ATP2C1: variants seen among roughly 807,000 people sequenced by gnomAD.
The protein encoded by ATP2C1 is calcium-transporting ATPase type 2C member 1.
In ATP2C1, 31 loss-of-function variants were observed where a neutral mutation model predicts 120.5. The observed-to-expected ratio is 0.26, with a 90% CI of 0.19 to 0.35. The LOEUF (loss-of-function observed/expected upper bound fraction) is 0.35. ATP2C1 is among the 10% of genes least tolerant of loss of function. The pLI, the probability that ATP2C1 is intolerant of heterozygous loss-of-function variation, is 1.00. For synonymous variants in ATP2C1, 351 were observed against 358.7 expected (o/e 0.98, Z 0.24); for missense variants, 731 against 1,107.5 (o/e 0.66, Z 4.83).
At chr3:130,928,884 C>A (rs1027218786) in intron 2 of ATP2C1, among the ~76,000 whole-genome samples, 1 of 152,134 alleles carries the variant, frequency 6.6e-6, no homozygotes, top group Non-Finnish European at 1.5e-5. Flanking sequence ...TATTTCAATT[C>A]TCATTGTTTT....
At chr3:131,004,033 A>T (rs1195027055), downstream of ATP2C1, among the ~76,000 whole-genome samples, 1 of 152,226 alleles carries the variant, frequency 6.6e-6, no homozygotes, top group Non-Finnish European at 1.5e-5. Flanking sequence ...GTGTGCTAGA[A>T]GTAGAACGAT....
At position 130,894,570 on chromosome 3, in the gene ATP2C1, TCTC is replaced by T. The variant is rs2069411906; in HGVS notation, c.-180-17_-180-15del. On this transcript the variant is annotated splice_polypyrimidine_tract_variant and intron_variant, in intron 1 of 27. Transcript: ENST00000510168. This position sits in a 1 kb window ranked among gnomAD's most constrained non-coding sequence, Gnocchi z 4.5. The stretch of plus-strand genomic sequence containing the variant: ...TCCTCAGCCTCTCGTCAGCGCCGCT[TCTC>T]CTGGTTTCTCTTGCAGATGCTGCTG... 4 of 1,438,738 alleles carry T rather than the reference TCTC, an allele frequency of 2.8e-6. No homozygotes were observed. Among genetic ancestry groups the T allele is most frequent in the Non-Finnish European group, 2.7e-6 (3 of 1,095,058 alleles). The allele number at this position is 1,438,738 out of a possible 1,614,324, so 89.1% of individuals were successfully genotyped here. A position where few individuals can be genotyped will look rare whatever the true frequency, so the allele number is the denominator to read the frequency against.
intron 3 of ATP2C1, among the ~76,000 whole-genome samples, chr3:130,931,045 G>A (rs896508171): frequency 2.6e-5 from 4 of 151,954 alleles, no homozygotes; most frequent in Non-Finnish European, 5.9e-5. Context: ...AGTATCTATC[G>A]AAACATGAAA....
chr3:130,971,357 C>T (rs2061310431), intron 17 of ATP2C1, among the ~76,000 whole-genome samples: 1 of 152,126 alleles, frequency 6.6e-6, no homozygotes, highest in South Asian at 2.1e-4. Flanking sequence ...CACTTGCTGA[C>T]CTGAAGAGTT....
At position 130,967,486 on chromosome 3, in the gene ATP2C1, C is replaced by G. The variant is rs1041334801; in HGVS notation, c.1308+67C>G. Reference sequence around the variant, plus strand: ...CCCTCACAACAGAATGCAGTGTCATCAATTTCAGTATTACTGGTTTTTAGG... The same window carrying G: ...CCCTCACAACAGAATGCAGTGTCATGAATTTCAGTATTACTGGTTTTTAGG... On this transcript the variant is annotated intron_variant, in intron 16 of 27. Coordinates refer to ENST00000510168, the MANE Select transcript of ATP2C1 (RefSeq NM_001378687.1). 1.4e-5 allele frequency: 18 copies of G among 1,298,526 alleles called. No individual in the cohort carries two copies. In the African/African-American group the frequency reaches 2.0e-4, roughly 15 times the overall value. 80.4% of individuals were successfully genotyped at this position (1,298,526 alleles called of 1,614,324 possible).
intron 8 of ATP2C1, among the ~76,000 whole-genome samples, chr3:130,942,405 C>G (rs1284944805): frequency 2.6e-5 from 4 of 152,132 alleles, no homozygotes; most frequent in Non-Finnish European, 4.4e-5. Context: ...GATTGAAGAA[C>G]TGGAAAATGG....
chr3:130,927,258 T>G (rs2059251493), intron 2 of ATP2C1, among the ~76,000 whole-genome samples: 1 of 151,530 alleles, frequency 6.6e-6, no homozygotes, highest in Non-Finnish European at 1.5e-5. Context: ...TTTTTTTTTT[T>G]GAGACAGAGT....
intron 12 of ATP2C1, among the ~76,000 whole-genome samples, chr3:130,962,118 CTTGT>C (rs1272464653): frequency 6.6e-6 from 1 of 152,012 alleles, no homozygotes; most frequent in Non-Finnish European, 1.5e-5. Context: ...TTTTATGATG[CTTGT>C]TTATCAGCAT....
At chr3:131,013,586 T>TAA (rs2063426914) in intron 26 of ATP2C1, among the ~76,000 whole-genome samples, 6 of 152,230 alleles carry the variant, frequency 3.9e-5, no homozygotes. Context: ...TCTCATTGAC[T>TAA]AAGTACTTAC....
At chr3:130,953,195 A>T (rs952331478) in intron 8 of ATP2C1, among the ~76,000 whole-genome samples, 1 of 151,966 alleles carries the variant, frequency 6.6e-6, no homozygotes, top group Non-Finnish European at 1.5e-5. Flanking sequence ...GGGTAGGTAA[A>T]TACTGTGTCA....
intron 26 of ATP2C1, among the ~76,000 whole-genome samples, chr3:131,012,754 T>A: frequency 6.6e-6 from 1 of 152,176 alleles, no homozygotes; most frequent in Non-Finnish European, 1.5e-5. Flanking sequence ...AATAAAAATT[T>A]CCTTATTTCA....
downstream of ATP2C1, among the ~76,000 whole-genome samples, chr3:131,004,109 T>C (rs1415015910): frequency 1.3e-5 from 2 of 152,220 alleles, no homozygotes; most frequent in African/African-American, 4.8e-5. Flanking sequence ...GCTAATAAGC[T>C]GTTTCAAGAA....
At chr3:130,918,102 A>G (rs777587462) in intron 2 of ATP2C1, 11 of 634,964 alleles carry the variant, frequency 1.7e-5, no homozygotes, top group Non-Finnish European at 2.9e-5. Context: ...CTATCCGAGT[A>G]CAGGGTAATA....
intron 12 of ATP2C1, among the ~76,000 whole-genome samples, chr3:130,962,478 G>A (rs2108619435): frequency 6.6e-6 from 1 of 151,898 alleles, no homozygotes; most frequent in African/African-American, 2.4e-5. Flanking sequence ...TTCACCAAAA[G>A]CAGTAGATGA....
intron 2 of ATP2C1, among the ~76,000 whole-genome samples, chr3:130,922,455 C>A (rs1052334496): frequency 6.6e-6 from 1 of 151,712 alleles, no homozygotes; most frequent in African/African-American, 2.4e-5. Flanking sequence ...GTTTCAATTT[C>A]ATTTAGTTCT....
intron 1 of ATP2C1, among the ~76,000 whole-genome samples, chr3:130,884,930 CTTTTTT>C (rs35931105): frequency 1.7e-5 from 2 of 120,868 alleles, no homozygotes; most frequent in African/African-American, 6.3e-5. Flanking sequence ...TCTTTTCTTT[CTTTTTT>C]TTTTTTTTTT....
At chr3:130,875,180 G>T (rs75117046) in intron 1 of ATP2C1, among the ~76,000 whole-genome samples, 75 of 152,172 alleles carry the variant, frequency 4.9e-4, no homozygotes, top group African/African-American at 1.8e-3. Flanking sequence ...GTAAATTGTT[G>T]TTAACTATAC....
chr3:130,917,582 G>A (rs557943718), intron 2 of ATP2C1, among the ~76,000 whole-genome samples: 15 of 152,192 alleles, frequency 9.9e-5, no homozygotes, highest in East Asian at 1.9e-4. Context: ...ATTTTACCTC[G>A]ACATTTAAAA....
chr3:130,967,115 G>A (rs750140582), intron 14 of ATP2C1, 30 bp from the exon 15 acceptor site: 2 of 1,534,152 alleles, frequency 1.3e-6, no homozygotes, highest in Non-Finnish European at 1.8e-6. Context: ...TGTAGTGTTT[G>A]TATTATTGAT....
Sources: gnomAD v4.1 joint callset for allele counts (sites outside exome capture counted in the v4.1 genomes callset) on GRCh38, gnomAD v4.1.1 for gene constraint, Gnocchi (gnomAD v3.1) non-coding constraint, MANE v1.5 for transcripts, NCBI Gene and HGNC (gene_info 2026-07-23, HGNC 2026-07-21) for gene names.